Variants in TLK2 observed in about 807,000 individuals in gnomAD.
The protein encoded by TLK2 is serine/threonine-protein kinase tousled-like 2.
A neutral mutation model predicts 117.3 loss-of-function variants in TLK2; 6 were observed. That is an observed-to-expected ratio of 0.05 (90% confidence interval 0.03 to 0.10). The LOEUF (loss-of-function observed/expected upper bound fraction) is 0.10, where lower values mean the gene tolerates loss of function less well. Among genes scored for constraint, TLK2 ranks in the 10% least tolerant of loss-of-function variants. The pLI is 1.00. For synonymous variants in TLK2, 257 were observed against 316.7 expected (o/e 0.81, Z 2.00); for missense variants, 299 against 901.2 (o/e 0.33, Z 8.56).
chr17:62,571,078 G>C (rs778164611), intron 11 of TLK2, among the ~76,000 whole-genome samples: 35 of 152,218 alleles, frequency 2.3e-4, no homozygotes, highest in Non-Finnish European at 4.7e-4. Flanking sequence ...GTTCAGTTAA[G>C]GTAAATGTTT....
At chr17:62,569,778 T>C (rs1672905803) in intron 11 of TLK2, among the ~76,000 whole-genome samples, 1 of 152,184 alleles carries the variant, frequency 6.6e-6, no homozygotes, top group Admixed American at 6.5e-5. Context: ...GGTTGAAGTG[T>C]AAAATGTAGT....
rs1385208928 is a variant in TLK2, at chr17:62,546,341, A to ATTTTTTTTTTTTT, written c.532-5959_532-5958insTTTTTTTTTTTTT. On this transcript the variant is annotated intron_variant, in intron 7 of 21. Coordinates refer to ENST00000346027, the MANE Select transcript of TLK2 (RefSeq NM_006852.6). ...AAAGTTCCCTATTTTGAGTTTGTTG[A>ATTTTTTTTTTTTT]TTGTTTTTTTTTTTTTTTTACATAA... Among the ~76,000 whole-genome samples, 15 of 8,872 alleles carry ATTTTTTTTTTTTT rather than the reference A, an allele frequency of 1.7e-3. 1 individual carries two copies. Among genetic ancestry groups the ATTTTTTTTTTTTT allele is most frequent in the South Asian group, 8.8e-3 (1 of 114 alleles). The allele number at this position is 8,872 out of a possible 152,430, so 5.8% of individuals were successfully genotyped here. A position where few individuals can be genotyped will look rare whatever the true frequency, so the allele number is the denominator to read the frequency against.
At chr17:62,574,553 C>T (rs914621102) in intron 12 of TLK2, 51 of 611,096 alleles carry the variant, frequency 8.3e-5, no homozygotes, top group African/African-American at 7.8e-4. Context: ...AGTCTCACTC[C>T]GTCGCCCAGG....
intron 7 of TLK2, among the ~76,000 whole-genome samples, chr17:62,538,535 A>G (rs1310995403): frequency 1.3e-5 from 2 of 152,220 alleles, no homozygotes; most frequent in Non-Finnish European, 2.9e-5. Context: ...TTTGGTCAGC[A>G]AGAACTTGTT....
intron 15 of TLK2, 29 bp from the exon 16 acceptor site, chr17:62,586,106 A>G: frequency 6.5e-7 from 1 of 1,549,410 alleles, no homozygotes; most frequent in Non-Finnish European, 8.8e-7. Context: ...CTTAACATTT[A>G]CCCAGTATAT....
intron 17 of TLK2, chr17:62,600,155 T>C (rs1166061383): frequency 1.3e-5 from 2 of 152,602 alleles, no homozygotes; most frequent in African/African-American, 4.8e-5. Context: ...CACTCAGGGT[T>C]ATATAAAATG....
intron 12 of TLK2, among the ~76,000 whole-genome samples, chr17:62,575,657 TTTTC>T (rs997968189): frequency 6.6e-5 from 10 of 151,988 alleles, no homozygotes; most frequent in African/African-American, 1.9e-4. Flanking sequence ...TTTTCTTTTA[TTTTC>T]TTTCTTTCTG....
intron 2 of TLK2, among the ~76,000 whole-genome samples, chr17:62,486,417 C>T (rs1435867495): frequency 6.6e-6 from 1 of 152,162 alleles, no homozygotes. Flanking sequence ...GCCTCGGCCT[C>T]CCAAATTGCT....
intron 11 of TLK2, among the ~76,000 whole-genome samples, chr17:62,570,536 A>G (rs1426965131): frequency 2.6e-5 from 4 of 152,198 alleles, no homozygotes; most frequent in Non-Finnish European, 5.9e-5. Context: ...TGTACTCCCA[A>G]AATAAATCTA....
intron 16 of TLK2, among the ~76,000 whole-genome samples, chr17:62,588,432 C>T (rs956502688): frequency 3.3e-5 from 5 of 152,304 alleles, no homozygotes; most frequent in Non-Finnish European, 7.4e-5. Flanking sequence ...CAGACAGAAT[C>T]AGAGAGCACG....
At chr17:62,489,934 A>G (rs1017098829) in intron 2 of TLK2, among the ~76,000 whole-genome samples, 8 of 151,958 alleles carry the variant, frequency 5.3e-5, no homozygotes, top group Non-Finnish European at 8.8e-5. Context: ...GGTTCAAGCA[A>G]TTCTCCCTGT....
At chr17:62,550,345 A>G (rs1392495007) in intron 7 of TLK2, 3 of 152,214 alleles carry the variant, frequency 2.0e-5, no homozygotes, top group Admixed American at 6.5e-5. Context: ...GCCTTGTTAT[A>G]TGCTCTTTTA....
At chr17:62,484,052 G>A (rs543010584) in intron 2 of TLK2, among the ~76,000 whole-genome samples, 16 of 152,020 alleles carry the variant, frequency 1.1e-4, no homozygotes, top group African/African-American at 3.6e-4. Flanking sequence ...TCGAACTCCC[G>A]ACCTTGTGAT....
intron 9 of TLK2, among the ~76,000 whole-genome samples, chr17:62,558,492 C>T (rs1567916717): frequency 2.6e-5 from 4 of 152,074 alleles, no homozygotes; most frequent in Admixed American, 6.6e-5. Flanking sequence ...ATGAACTCCT[C>T]GAAGACATTA....
chr17:62,546,615 G>A (rs1455580944), intron 7 of TLK2, among the ~76,000 whole-genome samples: 6 of 148,614 alleles, frequency 4.0e-5, no homozygotes, highest in Non-Finnish European at 5.9e-5. Context: ...GAGTGCGGTG[G>A]CGTGATCTTG....
At chr17:62,570,554 T>C (rs896698912) in intron 11 of TLK2, among the ~76,000 whole-genome samples, 1 of 152,222 alleles carries the variant, frequency 6.6e-6, no homozygotes, top group Admixed American at 6.5e-5. Context: ...CTAAATGAAG[T>C]ACCACTGATA....
rs531419170 is a variant in TLK2, at chr17:62,487,369, A to G, written c.81+6163A>G. On this transcript the variant is annotated intron_variant, in intron 2 of 21. Coordinates refer to ENST00000346027, the MANE Select transcript of TLK2 (RefSeq NM_006852.6). ...AAGAGAACTAAGTTAACCGCCCTAG[A>G]AAGACTAGATAAGTCAGCACGCGCC... Among the ~76,000 whole-genome samples, 4 of 151,708 alleles carry G rather than the reference A, an allele frequency of 2.6e-5. No homozygotes were observed. The East Asian group carries it at 8.0e-4, about 30-fold the overall frequency.
chr17:62,592,376 G>T (rs2082144519), intron 16 of TLK2, among the ~76,000 whole-genome samples: 1 of 152,172 alleles, frequency 6.6e-6, no homozygotes. Flanking sequence ...CTTATGAAAT[G>T]ATTTAAACTA....
chr17:62,506,216 G>A (rs2074675945), intron 2 of TLK2, among the ~76,000 whole-genome samples: 1 of 152,188 alleles, frequency 6.6e-6, no homozygotes, highest in South Asian at 2.1e-4. Context: ...ATGGCTTGGT[G>A]GAAAGCTCTC....
Sources: gnomAD v4.1 joint callset for allele counts (sites outside exome capture counted in the v4.1 genomes callset) on GRCh38, gnomAD v4.1.1 for gene constraint, MANE v1.5 for transcripts, NCBI Gene and HGNC (gene_info 2026-07-23, HGNC 2026-07-21) for gene names.